TBX20: variants seen among roughly 807,000 people sequenced by gnomAD.
The protein encoded by TBX20 is T-box transcription factor TBX20.
A neutral mutation model predicts 42.9 loss-of-function variants in TBX20; 8 were observed. The observed-to-expected ratio is 0.19, with a 90% CI of 0.11 to 0.34. TBX20 has a LOEUF of 0.34. Ranked by LOEUF, TBX20 falls within the 10% of genes least tolerant of loss-of-function variation. The pLI, the probability that TBX20 is intolerant of heterozygous loss-of-function variation, is 1.00. For missense variants in TBX20, 411 were observed against 566.0 expected (o/e 0.73, Z 2.78); for synonymous variants, 198 against 222.8 (o/e 0.89, Z 0.99).
chr7:35,232,549 A>G (rs762888433), intron 5 of TBX20, among the ~76,000 whole-genome samples: 2 of 152,254 alleles, frequency 1.3e-5, no homozygotes, highest in Non-Finnish European at 2.9e-5. Context: ...TCAGCTGGTC[A>G]GTAACTTAAT....
intron 4 of TBX20, among the ~76,000 whole-genome samples, chr7:35,243,780 A>G (rs1247616435): frequency 2.0e-5 from 3 of 152,212 alleles, no homozygotes; most frequent in Non-Finnish European, 4.4e-5. Flanking sequence ...AAAAAACAGA[A>G]GCATATTAAG....
At chr7:35,252,338 G>A (rs1409211989) in intron 1 of TBX20, among the ~76,000 whole-genome samples, 1 of 151,780 alleles carries the variant, frequency 6.6e-6, no homozygotes, top group Non-Finnish European at 1.5e-5. Flanking sequence ...TGGGAGGTGG[G>A]TGGGAAGAAC....
At chr7:35,231,348 A>C in intron 6 of TBX20, 156 bp downstream of exon 6, 2 of 643,068 alleles carry the variant, frequency 3.1e-6, no homozygotes, top group Admixed American at 2.4e-5. Context: ...TGTCAGACTT[A>C]AGCAGTTGCA....
intron 6 of TBX20, among the ~76,000 whole-genome samples, chr7:35,217,383 G>A (rs1789608551): frequency 6.6e-6 from 1 of 152,116 alleles, no homozygotes; most frequent in South Asian, 2.1e-4. Context: ...CTGTGAGGCA[G>A]GCAACAAATA....
chr7:35,229,512 G>C (rs545536843), intron 6 of TBX20, among the ~76,000 whole-genome samples: 1 of 152,312 alleles, frequency 6.6e-6, no homozygotes, highest in Admixed American at 6.5e-5. Flanking sequence ...TCATGTAAGA[G>C]TGCTGTCTTT....
chr7:35,211,867 C>T (rs1440600400), intron 6 of TBX20, among the ~76,000 whole-genome samples: 1 of 152,050 alleles, frequency 6.6e-6, no homozygotes, highest in African/African-American at 2.4e-5. Flanking sequence ...TTCTTTATAT[C>T]ACTAGTTTTG....
At chr7:35,241,764 T>G (rs1790086696) in intron 4 of TBX20, among the ~76,000 whole-genome samples, 1 of 152,196 alleles carries the variant, frequency 6.6e-6, no homozygotes, top group Admixed American at 6.5e-5. Flanking sequence ...TAGTAAAAGT[T>G]GCCAAGTACT....
At chr7:35,248,356 G>A (rs1790233999) in intron 3 of TBX20, among the ~76,000 whole-genome samples, 2 of 152,322 alleles carry the variant, frequency 1.3e-5, no homozygotes, top group East Asian at 1.9e-4. Context: ...AGCAATTAGA[G>A]AGGATGTCTA....
intron 5 of TBX20, among the ~76,000 whole-genome samples, chr7:35,237,572 T>C (rs1200904842): frequency 6.6e-6 from 1 of 150,948 alleles, no homozygotes; most frequent in Non-Finnish European, 1.5e-5. Flanking sequence ...CGTTTGCATA[T>C]AGAGAGAGGA....
intron 5 of TBX20, among the ~76,000 whole-genome samples, chr7:35,236,401 G>A: frequency 6.6e-6 from 1 of 151,754 alleles, no homozygotes; most frequent in Non-Finnish European, 1.5e-5. Flanking sequence ...TATGTTATAG[G>A]CTATTATATG....
At chr7:35,216,049 A>G (rs139181271) in intron 6 of TBX20, among the ~76,000 whole-genome samples, 2 of 152,254 alleles carry the variant, frequency 1.3e-5, no homozygotes, top group East Asian at 3.9e-4. Context: ...CTTTACTGCA[A>G]TTACTAGATT....
In TBX20 at chr7:35,244,885, C is replaced by G. The variant is rs937170408; in HGVS notation, c.654+64G>C. 6.9e-6 allele frequency: 8 copies of G among 1,163,442 alleles called. 1 individual carries two copies. The highest frequency in any genetic ancestry group is 6.2e-5 in the South Asian group (5 of 81,214). The allele number at this position is 1,163,442 out of a possible 1,614,324, so 72.1% of individuals were successfully genotyped here. ...AGGCAGGAAGGGACTCAGAGAGAGACAGTTTTGTGCGACCTGTCCATTCTA... is the reference window on the plus strand; with the variant it reads ...AGGCAGGAAGGGACTCAGAGAGAGAGAGTTTTGTGCGACCTGTCCATTCTA... On this transcript the variant is annotated intron_variant, in intron 4 of 7. Coordinates refer to ENST00000408931, the MANE Select transcript of TBX20 (RefSeq NM_001077653.2).
rs540017860 is a variant in TBX20 at position 35,249,733 on chromosome 7, C to G, written c.380+218G>C. Reference sequence around the variant, plus strand: ...GGTCCCTGTGCCCTTCTCAACAAAGCCAGGGTGGGGCTTCCCATGACCAAA... The same window carrying G: ...GGTCCCTGTGCCCTTCTCAACAAAGGCAGGGTGGGGCTTCCCATGACCAAA... On this transcript the variant is annotated intron_variant, in intron 2 of 7. Coordinates refer to ENST00000408931, the MANE Select transcript of TBX20 (RefSeq NM_001077653.2). The surrounding 1 kb of genome is among the most constrained non-coding windows in gnomAD (Gnocchi z 4.3). Among the ~76,000 whole-genome samples the G allele has an allele frequency of 6.6e-6, 1 of 152,300 alleles. No individual in the cohort carries two copies. The highest frequency in any genetic ancestry group is 1.9e-4 in the East Asian group (1 of 5,184).
chr7:35,235,453 T>C (rs1462501400), intron 5 of TBX20, among the ~76,000 whole-genome samples: 1 of 152,124 alleles, frequency 6.6e-6, no homozygotes, highest in African/African-American at 2.4e-5. Context: ...CTAAAAGAAG[T>C]ATCAAAAATA....
At chr7:35,247,528 A>T (rs2128715759) in intron 3 of TBX20, among the ~76,000 whole-genome samples, 1 of 152,260 alleles carries the variant, frequency 6.6e-6, no homozygotes, top group African/African-American at 2.4e-5. Context: ...CACTTAGCAT[A>T]CGATAAACTC....
rs1311720535 is a variant in TBX20, at chr7:35,240,876, C to T, written c.813+3G>A. ...GGAACTAAATTGTGAACTGTACACT[C>T]ACCAGTTGATTCTGGTAGGCAGTGA... On this transcript the variant is annotated splice_donor_region_variant and intron_variant, in intron 5 of 7. Coordinates refer to ENST00000408931, the MANE Select transcript of TBX20 (RefSeq NM_001077653.2). 2 of 1,612,762 alleles carry T rather than the reference C, an allele frequency of 1.2e-6. No individual in the cohort carries two copies. The highest frequency in any genetic ancestry group is 2.2e-5 in the South Asian group (2 of 91,038).
intron 2 of TBX20, 107 bp from the exon 3 acceptor site, chr7:35,248,948 T>G: frequency 7.5e-7 from 1 of 1,332,808 alleles, no homozygotes; most frequent in Non-Finnish European, 1.1e-6. Flanking sequence ...AGGGTCTGAC[T>G]CCCCTCTCTA....
At chr7:35,213,849 T>G (rs1264014570) in intron 6 of TBX20, among the ~76,000 whole-genome samples, 1 of 111,858 alleles carries the variant, frequency 8.9e-6, no homozygotes, top group Non-Finnish European at 1.7e-5. Flanking sequence ...ATTGAGTCAC[T>G]ACTATGAACA....
At chr7:35,251,328 G>GT (rs1790301955) in intron 1 of TBX20, among the ~76,000 whole-genome samples, 1 of 152,212 alleles carries the variant, frequency 6.6e-6, no homozygotes, top group Non-Finnish European at 1.5e-5. Context: ...AGATCATAAG[G>GT]TGTTTTATTT....
Sources: allele counts gnomAD v4.1 joint callset (sites outside exome capture counted in the v4.1 genomes callset), GRCh38; gene constraint gnomAD v4.1.1; non-coding constraint Gnocchi (gnomAD v3.1); transcripts MANE v1.5; gene names NCBI Gene and HGNC (gene_info 2026-07-23, HGNC 2026-07-21).